The following RSRC1 variants were observed in gnomAD, a reference collection of about 807,000 sequenced individuals.
RSRC1 encodes the protein serine/Arginine-related protein 53.
In RSRC1, 39 loss-of-function variants were observed where a neutral mutation model predicts 49.1. The ratio of observed to expected loss-of-function variants is 0.79; its 90% CI spans 0.61 to 1.04. RSRC1 has a LOEUF of 1.04. Ranked by LOEUF, RSRC1 falls within the 50% of genes least tolerant of loss-of-function variation. The probability of loss-of-function intolerance (pLI) is 0.00; values close to 1 mark genes in which losing one functional copy is unlikely to be tolerated. For synonymous variants in RSRC1, 143 were observed against 130.8 expected (o/e 1.09, Z -0.63); for missense variants, 388 against 402.4 (o/e 0.96, Z 0.31).
At chr3:158,155,598 C>CT (rs34972266) in intron 3 of RSRC1, among the ~76,000 whole-genome samples, 94,195 of 133,792 alleles carry the variant, frequency 0.7, 33,788 homozygotes, top group African/African-American at 0.84. Flanking sequence ...AGCCTAGCTA[C>CT]TTTTTTTTTT....
chr3:158,524,778 AG>A (rs1711907324), intron 7 of RSRC1, among the ~76,000 whole-genome samples: 1 of 152,054 alleles, frequency 6.6e-6, no homozygotes, highest in Non-Finnish European at 1.5e-5. Flanking sequence ...AAAACTACCA[AG>A]GCAATTCAAT....
intron 4 of RSRC1, among the ~76,000 whole-genome samples, chr3:158,256,182 G>T (rs1004318647): frequency 3.3e-5 from 5 of 152,132 alleles, no homozygotes; most frequent in Non-Finnish European, 7.3e-5. Context: ...CATTCAGTAT[G>T]ATATTGGCTG....
chr3:158,340,306 G>T (rs888965914), intron 5 of RSRC1, among the ~76,000 whole-genome samples: 3 of 152,190 alleles, frequency 2.0e-5, no homozygotes, highest in African/African-American at 7.2e-5. Flanking sequence ...ACTTTGGGAG[G>T]CCGAGGTGGG....
At chr3:158,192,015 C>G (rs991379156) in intron 3 of RSRC1, among the ~76,000 whole-genome samples, 1 of 152,004 alleles carries the variant, frequency 6.6e-6, no homozygotes, top group African/African-American at 2.4e-5. Context: ...TTGTTTTTAA[C>G]AGCCTTTAAT....
chr3:158,459,569 A>T (rs989264155), intron 6 of RSRC1, among the ~76,000 whole-genome samples: 1 of 152,116 alleles, frequency 6.6e-6, no homozygotes, highest in Admixed American at 6.6e-5. Context: ...CTACAATTAC[A>T]CATATAACCA....
At chr3:158,182,027 A>G (rs1182164690) in intron 3 of RSRC1, among the ~76,000 whole-genome samples, 1 of 152,192 alleles carries the variant, frequency 6.6e-6, no homozygotes, top group Non-Finnish European at 1.5e-5. Flanking sequence ...GGTCTAGTAC[A>G]ATGGGAAAAA....
intron 6 of RSRC1, among the ~76,000 whole-genome samples, chr3:158,398,307 G>T (rs1733714042): frequency 1.3e-5 from 2 of 152,112 alleles, no homozygotes; most frequent in Non-Finnish European, 2.9e-5. Context: ...ATAGGCACCA[G>T]TAGGTTCAGT....
intron 3 of RSRC1, among the ~76,000 whole-genome samples, chr3:158,157,804 A>T (rs1717970901): frequency 6.6e-6 from 1 of 151,968 alleles, no homozygotes; most frequent in Non-Finnish European, 1.5e-5. Context: ...AATCCCAGCT[A>T]CTCGGGAGGC....
intron 1 of RSRC1, among the ~76,000 whole-genome samples, chr3:158,118,152 G>A (rs1714970771): frequency 1.3e-5 from 2 of 152,092 alleles, no homozygotes; most frequent in Admixed American, 6.6e-5. Flanking sequence ...TTTTCACCAT[G>A]TTGGCGGGGC....
intron 5 of RSRC1, among the ~76,000 whole-genome samples, chr3:158,316,612 T>C (rs889099767): frequency 5.9e-5 from 9 of 151,776 alleles, no homozygotes; most frequent in Non-Finnish European, 1.3e-4. Flanking sequence ...GCCCAGCTAA[T>C]TTTTTGTATT....
At chr3:158,207,670 G>GAT (rs1559943262) in intron 4 of RSRC1, among the ~76,000 whole-genome samples, 1,220 of 67,122 alleles carry the variant, frequency 0.018, 15 homozygotes, top group African/African-American at 0.091. Flanking sequence ...GATAGACAGA[G>GAT]AGACAGACAG....
rs1491469875 is a variant in RSRC1, at chr3:158,118,462, T to TGTGTGTGCGCGC, written c.-2-3640_-2-3639insTGTGTGCGCGCG. ...GTGTGTGTGTGTGTGTGTGTGTGTGTGCGCGTGCGCGTGGTTTTTTTAAAT... is the reference window on the plus strand; with the variant it reads ...GTGTGTGTGTGTGTGTGTGTGTGTGTGTGTGTGCGCGCGCGCGTGCGCGTGGTTTTTTTAAAT... On this transcript the variant is annotated intron_variant, in intron 1 of 9. Coordinates refer to ENST00000611884, the MANE Select transcript of RSRC1 (RefSeq NM_001271838.2). Among the ~76,000 whole-genome samples, 355 of 124,692 alleles carry TGTGTGTGCGCGC rather than the reference T, an allele frequency of 2.8e-3. 5 individuals are homozygous for TGTGTGTGCGCGC. The highest frequency in any genetic ancestry group is 9.3e-3 in the East Asian group (35 of 3,776). 81.8% of individuals were successfully genotyped at this position (124,692 alleles called of 152,430 possible).
intron 7 of RSRC1, among the ~76,000 whole-genome samples, chr3:158,472,098 T>C (rs1367497454): frequency 6.6e-6 from 1 of 152,146 alleles, no homozygotes; most frequent in Non-Finnish European, 1.5e-5. Context: ...TTTTATTATA[T>C]TTAATTATAC....
chr3:158,390,599 TTC>T (rs1004593473), intron 6 of RSRC1, among the ~76,000 whole-genome samples: 6 of 152,160 alleles, frequency 3.9e-5, no homozygotes, highest in African/African-American at 1.4e-4. Context: ...TACATAGAAT[TTC>T]TCTTATTTTA....
intron 7 of RSRC1, among the ~76,000 whole-genome samples, chr3:158,509,722 C>T (rs1190036844): frequency 6.6e-6 from 1 of 152,088 alleles, no homozygotes; most frequent in African/African-American, 2.4e-5. Flanking sequence ...CTTTCTTTTT[C>T]TGTTCAACAT....
At chr3:158,497,758 G>A (rs550208495) in intron 7 of RSRC1, among the ~76,000 whole-genome samples, 8 of 152,100 alleles carry the variant, frequency 5.3e-5, no homozygotes, top group African/African-American at 1.9e-4. Flanking sequence ...TTACGTCTTT[G>A]TGTCTTCACA....
chr3:158,497,039 A>G (rs1232635761), intron 7 of RSRC1: 1 of 152,228 alleles, frequency 6.6e-6, no homozygotes, highest in African/African-American at 2.4e-5. Flanking sequence ...TTTTAATTTA[A>G]AATTTTTTAA....
intron 7 of RSRC1, among the ~76,000 whole-genome samples, chr3:158,519,432 T>C (rs1711540445): frequency 6.6e-6 from 1 of 151,802 alleles, no homozygotes. Flanking sequence ...TGGGAAGGTC[T>C]CCCTAAGGAG....
chr3:158,315,307 C>T (rs2108152891), intron 5 of RSRC1, among the ~76,000 whole-genome samples: 1 of 152,168 alleles, frequency 6.6e-6, no homozygotes, highest in East Asian at 1.9e-4. Flanking sequence ...TGTAGTAACA[C>T]ACAGGAGGAG....
Sources: allele counts gnomAD v4.1 joint callset (sites outside exome capture counted in the v4.1 genomes callset), GRCh38; gene constraint gnomAD v4.1.1; transcripts MANE v1.5; gene names NCBI Gene and HGNC (gene_info 2026-07-23, HGNC 2026-07-21).